PIK3R3: variants seen among roughly 807,000 people sequenced by gnomAD.
PIK3R3 encodes phosphoinositide-3-kinase regulatory subunit 3.
A neutral mutation model predicts 62.9 loss-of-function variants in PIK3R3; 64 were observed. That is an observed-to-expected ratio of 1.02 (90% CI 0.83 to 1.25). The LOEUF is 1.25. Ranked by LOEUF, PIK3R3 falls within the 50% of genes most tolerant of loss-of-function variation. The pLI, the probability that PIK3R3 is intolerant of heterozygous loss-of-function variation, is 0.00. For synonymous variants in PIK3R3, 165 were observed against 189.0 expected (o/e 0.87, Z 1.04); for missense variants, 614 against 561.6 (o/e 1.09, Z -0.94).
chr1:46,135,448 G>C (rs1292406515), upstream of PIK3R3, among the ~76,000 whole-genome samples: 1 of 152,098 alleles, frequency 6.6e-6, no homozygotes, highest in East Asian at 1.9e-4. Context: ...GAAACACTTA[G>C]AATGAAAAAA....
At position 46,132,186 on chromosome 1, in the gene PIK3R3, G is replaced by A; in HGVS notation, c.-234C>T. The A allele has an allele frequency of 7.7e-7, 1 of 1,294,964 alleles. No individual in the cohort carries two copies. Among genetic ancestry groups the A allele is most frequent in the African/African-American group, 1.5e-5 (1 of 66,614 alleles). 80.2% of individuals were successfully genotyped at this position (1,294,964 alleles called of 1,614,324 possible). On this transcript the variant is annotated 5_prime_UTR_variant, in exon 1 of 10. Transcript: ENST00000262741. ...CAAGCTATGGGCTTTTCTCCTCAGA[G>A]GATTACACAGAGGCTTGGGGGACGG...
intron 3 of PIK3R3, among the ~76,000 whole-genome samples, chr1:46,074,504 G>A (rs1181046540): frequency 6.6e-6 from 1 of 151,678 alleles, no homozygotes; most frequent in Non-Finnish European, 1.5e-5. Flanking sequence ...TCATCTTTAG[G>A]GGCTGCTGGG....
At chr1:46,168,193 T>A in the PIK3R3 span, among the ~76,000 whole-genome samples, 5 of 151,958 alleles carry the variant, frequency 3.3e-5, no homozygotes, top group South Asian at 2.1e-4. Context: ...TAAAAAAAAA[T>A]ACCTATGCTA....
intron 3 of PIK3R3, among the ~76,000 whole-genome samples, chr1:46,070,657 G>A (rs1055507028): frequency 5.3e-5 from 8 of 152,204 alleles, no homozygotes; most frequent in African/African-American, 1.9e-4. Context: ...ACATTCAGCA[G>A]CTCAAGTATA....
intron 1 of PIK3R3, among the ~76,000 whole-genome samples, chr1:46,116,674 A>T (rs1037920092): frequency 1.1e-4 from 16 of 151,808 alleles, no homozygotes; most frequent in East Asian, 5.8e-4. Context: ...AAAAAAAAAA[A>T]TTTTGTTTTA....
At chr1:46,119,772 AATTTTTTTTT>A (rs1654501728) in intron 1 of PIK3R3, among the ~76,000 whole-genome samples, 1 of 139,164 alleles carries the variant, frequency 7.2e-6, no homozygotes, top group Admixed American at 7.2e-5. Context: ...ACCAACTCCT[AATTTTTTTTT>A]TTTTTTTTTT....
chr1:46,117,935 G>A (rs785492), intron 1 of PIK3R3, among the ~76,000 whole-genome samples: 67,765 of 151,744 alleles, frequency 0.45, 15,302 homozygotes, highest in East Asian at 0.62. Context: ...TTAGCCAGGT[G>A]TGGTAGTGCA....
chr1:46,131,017 T>G (rs559724360), intron 1 of PIK3R3, among the ~76,000 whole-genome samples: 1 of 152,308 alleles, frequency 6.6e-6, no homozygotes, highest in South Asian at 2.1e-4. Context: ...AAAAATATAG[T>G]GCTATATATG....
chr1:46,133,138 G>T, upstream of PIK3R3: 1 of 546,128 alleles, frequency 1.8e-6, no homozygotes, highest in Non-Finnish European at 2.3e-6. Context: ...AGCCGGCGCC[G>T]GCCGGTAAGG....
chr1:46,107,785 T>A (rs1398409687), intron 1 of PIK3R3, among the ~76,000 whole-genome samples: 1 of 152,244 alleles, frequency 6.6e-6, no homozygotes, highest in African/African-American at 2.4e-5. Flanking sequence ...AGATAATTCA[T>A]ACTTAGTTAT....
chr1:46,139,238 C>T, the PIK3R3 span, among the ~76,000 whole-genome samples: 1 of 152,098 alleles, frequency 6.6e-6, no homozygotes, highest in Admixed American at 6.6e-5. Flanking sequence ...ACTATTTCTG[C>T]CCTTTATGAA....
chr1:46,110,432 C>T (rs550589919), intron 1 of PIK3R3, among the ~76,000 whole-genome samples: 6 of 151,974 alleles, frequency 3.9e-5, no homozygotes, highest in African/African-American at 7.2e-5. Context: ...TGAGCCACCA[C>T]GCCCAGCCCA....
At chr1:46,133,755 G>T (rs999961053), upstream of PIK3R3, among the ~76,000 whole-genome samples, 7 of 151,422 alleles carry the variant, frequency 4.6e-5, no homozygotes, top group African/African-American at 1.7e-4. Context: ...AACTCCCCAC[G>T]CCTAAAATAG....
the PIK3R3 span, among the ~76,000 whole-genome samples, chr1:46,173,329 A>T: frequency 6.6e-6 from 1 of 152,208 alleles, no homozygotes; most frequent in Non-Finnish European, 1.5e-5. Context: ...TAATCTGTGT[A>T]ATGTGCCTCT....
At position 46,044,093 on chromosome 1, in the gene PIK3R3, TTAGAC is replaced by T. The variant is rs748312311; in HGVS notation, c.1188-227_1188-223del. On this transcript the variant is annotated intron_variant, in intron 9 of 9. Transcript: ENST00000262741. The surrounding 1 kb of genome is among the most constrained non-coding windows in gnomAD (Gnocchi z 4.2). Reference sequence around the variant, plus strand: ...GTTTATTTATTTCTTTTTTTTTTTTTTAGACAGGGTCTCGCTCTATCACGAAAGCT... The same window carrying T: ...GTTTATTTATTTCTTTTTTTTTTTTTAGGGTCTCGCTCTATCACGAAAGCT... Among the ~76,000 whole-genome samples, 1 of 151,866 alleles carries T rather than the reference TTAGAC, an allele frequency of 6.6e-6. No homozygotes were observed. Among genetic ancestry groups the T allele is most frequent in the Non-Finnish European group, 1.5e-5 (1 of 67,952 alleles).
intron 1 of PIK3R3, among the ~76,000 whole-genome samples, chr1:46,118,300 T>C (rs1029253093): frequency 5.7e-5 from 7 of 123,758 alleles, no homozygotes; most frequent in Non-Finnish European, 1.0e-4. Context: ...TCACAGCTTC[T>C]ACCCTTGTCC....
rs184155739 is a variant in PIK3R3 at position 46,045,193 on chromosome 1, A to C, written c.1187+725T>G. Among the ~76,000 whole-genome samples, 331 of 152,348 alleles carry C rather than the reference A, an allele frequency of 2.2e-3. 1 individual carries two copies. The highest frequency in any genetic ancestry group is 7.8e-3 in the African/African-American group (323 of 41,584). On this transcript the variant is annotated intron_variant, in intron 9 of 9. Coordinates refer to ENST00000262741, the MANE Select transcript of PIK3R3 (RefSeq NM_003629.4). Reference sequence around the variant, plus strand: ...TATTTTACAGATAAGGAAACTGGGCAAAGAAAGATTAAGTAATTTACCCAA... The same window carrying C: ...TATTTTACAGATAAGGAAACTGGGCCAAGAAAGATTAAGTAATTTACCCAA...
chr1:46,124,815 A>G (rs1486342692), intron 1 of PIK3R3, among the ~76,000 whole-genome samples: 2 of 92,370 alleles, frequency 2.2e-5, no homozygotes, highest in Non-Finnish European at 2.3e-5. Flanking sequence ...AAAAAAAAAA[A>G]GGCCGGGCGT....
At chr1:46,103,765 T>G (rs1016298898) in intron 1 of PIK3R3, among the ~76,000 whole-genome samples, 1 of 151,052 alleles carries the variant, frequency 6.6e-6, no homozygotes, top group African/African-American at 2.4e-5. Context: ...CAGCTAATTT[T>G]TTGTATTTTT....
Sources: gnomAD v4.1 joint callset for allele counts (sites outside exome capture counted in the v4.1 genomes callset) on GRCh38, gnomAD v4.1.1 for gene constraint, Gnocchi (gnomAD v3.1) non-coding constraint, MANE v1.5 for transcripts, NCBI Gene and HGNC (gene_info 2026-07-23, HGNC 2026-07-21) for gene names.